DENND2B: variants seen among roughly 807,000 people sequenced by gnomAD.
The protein encoded by DENND2B is DENN domain containing 2B.
A neutral mutation model predicts 116.0 loss-of-function variants in DENND2B; 32 were observed. The observed-to-expected ratio is 0.28, with a 90% CI of 0.21 to 0.37. The LOEUF (loss-of-function observed/expected upper bound fraction) is 0.37, where lower values mean the gene tolerates loss of function less well. Among genes scored for constraint, DENND2B ranks in the 10% least tolerant of loss-of-function variants. DENND2B has a pLI of 1.00. For synonymous variants in DENND2B, 588 were observed against 583.9 expected, an observed-to-expected ratio of 1.01 and a Z score of -0.10; for missense variants, 1,276 against 1,477.7, an observed-to-expected ratio of 0.86 and a Z score of 2.24.
chr11:8,785,632 A>C (rs2292046), intron 1 of DENND2B: 89,819 of 152,048 alleles, frequency 0.59, 27,312 homozygotes, highest in Non-Finnish European at 0.66. Context: ...CCAGATCATG[A>C]GCAGTCGCAC....
At chr11:8,844,962 G>A (rs959016896) in intron 3 of DENND2B, among the ~76,000 whole-genome samples, 21 of 151,828 alleles carry the variant, frequency 1.4e-4, no homozygotes, top group African/African-American at 3.9e-4. Context: ...GGCTGGTTTC[G>A]AATTACTGGC....
chr11:8,734,608 C>T (rs1382215268), intron 2 of DENND2B, among the ~76,000 whole-genome samples: 3 of 151,732 alleles, frequency 2.0e-5, no homozygotes, highest in Admixed American at 6.6e-5. Context: ...GCCAACATGG[C>T]GAAACCCAGT....
intron 16 of DENND2B, among the ~76,000 whole-genome samples, chr11:8,698,137 C>CAAAAAAAAA (rs33975736): frequency 0.013 from 534 of 39,802 alleles, 44 homozygotes; most frequent in Non-Finnish European, 0.02. Flanking sequence ...ACCCTGTCTC[C>CAAAAAAAAA]AAAAAAAAAA....
In DENND2B at chr11:8,702,535, C is replaced by G. The variant is rs769125943; in HGVS notation, c.2720+37G>C. The G allele has an allele frequency of 6.2e-7, 1 of 1,606,478 alleles. No individual in the cohort carries two copies. Among genetic ancestry groups the G allele is most frequent in the Admixed American group, 1.7e-5 (1 of 60,000 alleles). The stretch of plus-strand genomic sequence containing the variant: ...TGATTCGCTTGTGGGTGTGCCTTCC[C>G]CCCTCCCTTCTGCTTTCTTGCCCGG... On this transcript the variant is annotated intron_variant, in intron 14 of 19. Transcript: ENST00000313726. The surrounding 1 kb of genome is among the most constrained non-coding windows in gnomAD (Gnocchi z 4.6).
At chr11:8,857,686 C>A (rs745634989) in intron 2 of DENND2B, among the ~76,000 whole-genome samples, 16 of 152,174 alleles carry the variant, frequency 1.1e-4, no homozygotes, top group Non-Finnish European at 1.5e-4. Flanking sequence ...CCCCAGAGTC[C>A]TCCTGGATTC....
chr11:8,883,780 G>A (rs1719278586), intron 1 of DENND2B, among the ~76,000 whole-genome samples: 1 of 152,182 alleles, frequency 6.6e-6, no homozygotes, highest in South Asian at 2.1e-4. Flanking sequence ...TTTAAAAAGG[G>A]AGATTATCTA....
At chr11:8,819,822 G>A (rs994885218) in intron 4 of DENND2B, among the ~76,000 whole-genome samples, 4 of 152,202 alleles carry the variant, frequency 2.6e-5, no homozygotes, top group Non-Finnish European at 5.9e-5. Flanking sequence ...TCCTGGATTT[G>A]ATCCTGGAAT....
intron 4 of DENND2B, among the ~76,000 whole-genome samples, chr11:8,826,469 A>G (rs2061981946): frequency 6.6e-6 from 1 of 152,218 alleles, no homozygotes; most frequent in Admixed American, 6.5e-5. Flanking sequence ...ATTAGATGGT[A>G]GGAATGCAGC....
intron 4 of DENND2B, among the ~76,000 whole-genome samples, chr11:8,818,834 T>C (rs1234182427): frequency 3.3e-5 from 5 of 151,438 alleles, no homozygotes; most frequent in Non-Finnish European, 5.9e-5. Flanking sequence ...CTAAAAAGGG[T>C]ATTAATAATG....
chr11:8,729,922 T>C (rs759512472), intron 3 of DENND2B, 28 bp downstream of exon 3: 20 of 1,609,508 alleles, frequency 1.2e-5, no homozygotes, highest in Non-Finnish European at 1.4e-5. Flanking sequence ...GGTATTCAGC[T>C]ACAACACACC....
chr11:8,809,047 GAA>G (rs959019584), intron 1 of DENND2B: 1 of 152,232 alleles, frequency 6.6e-6, no homozygotes, highest in African/African-American at 2.4e-5. Context: ...ACTGCCAACT[GAA>G]GGGGCCACTG....
intron 1 of DENND2B, among the ~76,000 whole-genome samples, chr11:8,887,349 G>A: frequency 6.6e-6 from 1 of 152,150 alleles, no homozygotes; most frequent in Admixed American, 6.5e-5. Context: ...GTTAGTCAGA[G>A]AACCAGGTTT....
chr11:8,740,919 A>G (rs1275070650), intron 2 of DENND2B, among the ~76,000 whole-genome samples: 1 of 152,218 alleles, frequency 6.6e-6, no homozygotes, highest in Non-Finnish European at 1.5e-5. Flanking sequence ...AGAGTGCCTC[A>G]GTCAGCAAGT....
At chr11:8,904,751 C>T (rs2064214171) in intron 1 of DENND2B, among the ~76,000 whole-genome samples, 1 of 152,044 alleles carries the variant, frequency 6.6e-6, no homozygotes, top group Admixed American at 6.5e-5. Flanking sequence ...AAAAAGTCAA[C>T]TATATTTCTA....
In DENND2B at chr11:8,699,279, G is replaced by A. The variant is rs768850137; in HGVS notation, c.2832C>T (p.Pro944=). ...PASMIDIVCC[P]TPFLVGLLSS... ...AGAGCAGGCCAACCAGGAAGGGGGTGGGACAGCAGACGATGTCAATCATGG... is the reference window on the plus strand; with the variant it reads ...AGAGCAGGCCAACCAGGAAGGGGGTAGGACAGCAGACGATGTCAATCATGG... The change falls in exon 15 of 20, where the codon CCC becomes CCT. Residue 944 remains proline (P), a synonymous_variant. Transcript: ENST00000313726. The A allele has an allele frequency of 1.7e-5, 27 of 1,602,022 alleles. No individual in the cohort carries two copies. Among genetic ancestry groups the A allele is most frequent in the Admixed American group, 7.2e-5 (4 of 55,252 alleles).
chr11:8,888,637 A>C (rs1482704669), intron 1 of DENND2B, among the ~76,000 whole-genome samples: 1 of 152,218 alleles, frequency 6.6e-6, no homozygotes, highest in East Asian at 1.9e-4. Flanking sequence ...GTAAAAATGC[A>C]ACCCACAGAA....
intron 2 of DENND2B, among the ~76,000 whole-genome samples, chr11:8,748,156 GC>G (rs1259093313): frequency 6.6e-6 from 1 of 152,052 alleles, no homozygotes; most frequent in African/African-American, 2.4e-5. Flanking sequence ...GCTTTCCAAG[GC>G]CCCAACACCC....
intron 1 of DENND2B, among the ~76,000 whole-genome samples, chr11:8,897,111 G>T (rs1017300814): frequency 9.9e-5 from 15 of 151,776 alleles, no homozygotes; most frequent in African/African-American, 3.4e-4. Context: ...TTAAAAACTA[G>T]CCAGGTGTGG....
chr11:8,824,510 GTTCCTGCAAAGGACATGA>G lies in DENND2B; in HGVS notation c.-114-13193_-114-13176del, dbSNP rs2061895179. Among the ~76,000 whole-genome samples, 2 of 152,104 alleles carry G rather than the reference GTTCCTGCAAAGGACATGA, an allele frequency of 1.3e-5. 1 individual carries two copies. Among genetic ancestry groups the G allele is most frequent in the South Asian group, 4.1e-4 (2 of 4,824 alleles). On this transcript the variant is annotated intron_variant, in intron 4 of 6. Coordinates refer to the DENND2B transcript ENST00000524757. ...GATAGTGGCCTCCAGCTCCATCCAT[GTTCCTGCAAAGGACATGA>G]TTTCATTCTTTTTTTATGGCTGCAT...
Sources: allele counts gnomAD v4.1 joint callset (sites outside exome capture counted in the v4.1 genomes callset), GRCh38; gene constraint gnomAD v4.1.1; non-coding constraint Gnocchi (gnomAD v3.1); transcripts MANE v1.5; gene names NCBI Gene and HGNC (gene_info 2026-07-23, HGNC 2026-07-21).